PTDSS1: variants seen among roughly 807,000 people sequenced by gnomAD.
PTDSS1 encodes the protein PSS-1.
A neutral mutation model predicts 70.5 loss-of-function variants in PTDSS1; 45 were observed. That is an observed-to-expected ratio of 0.64 (90% CI 0.50 to 0.82). The LOEUF is 0.82. PTDSS1 is among the 40% of genes least tolerant of loss of function. PTDSS1 has a pLI of 0.00. For missense variants in PTDSS1, 417 were observed against 586.1 expected, an observed-to-expected ratio of 0.71 and a Z score of 2.98; for synonymous variants, 188 against 203.8, an observed-to-expected ratio of 0.92 and a Z score of 0.66.
intron 10 of PTDSS1, 82 bp from the exon 11 acceptor site, chr8:96,330,131 T>C (rs2130184225): frequency 3.1e-6 from 4 of 1,304,914 alleles, no homozygotes; most frequent in Non-Finnish European, 2.2e-6. Flanking sequence ...CATTGAACGG[T>C]CCTGCATTGA....
chr8:96,287,272 T>C (rs1032568178), intron 4 of PTDSS1, 126 bp downstream of exon 4: 1 of 1,321,022 alleles, frequency 7.6e-7, no homozygotes, highest in Non-Finnish European at 1.0e-6. Context: ...AAAAACCAGG[T>C]CTCTGGGAGG....
Position 96,304,137 on chromosome 8 carries a change from T to C in PTDSS1, c.850T>C (p.Phe284Leu). 1 of 1,614,068 alleles carries C rather than the reference T, an allele frequency of 6.2e-7. No individual in the cohort carries two copies. The highest frequency in any genetic ancestry group is 8.5e-7 in the Non-Finnish European group (1 of 1,179,962). ...YVRWFDPKSSFQRVAGVYLFM... is the reference protein window; with the variant it reads ...YVRWFDPKSSLQRVAGVYLFM... ...TCGATGGTTTGACCCCAAATCTTCT[T>C]TTCAGAGAGTAGCTGGAGTGTACCT... The change falls in exon 7 of 13, where the codon TTT becomes CTT. Residue 284 changes from phenylalanine (F) to leucine (L), a missense_variant. Coordinates refer to ENST00000517309, the MANE Select transcript of PTDSS1 (RefSeq NM_014754.3).
At chr8:96,310,289 C>T (rs182087213) in intron 9 of PTDSS1, among the ~76,000 whole-genome samples, 1,976 of 151,260 alleles carry the variant, frequency 0.013, 23 homozygotes, top group Non-Finnish European at 0.022. Context: ...CTCAGCCTCC[C>T]AAGTAGCTGG....
At chr8:96,283,597 AGT>A (rs1491367770) in intron 2 of PTDSS1, 1 of 144,970 alleles carries the variant, frequency 6.9e-6, no homozygotes, top group Non-Finnish European at 1.5e-5. Context: ...GTTATTTTTC[AGT>A]CTCTCTCTCT....
At chr8:96,282,066 A>G (rs945214331) in intron 2 of PTDSS1, among the ~76,000 whole-genome samples, 2 of 152,214 alleles carry the variant, frequency 1.3e-5, no homozygotes, top group Non-Finnish European at 2.9e-5. Context: ...AATAGGTCAT[A>G]CAGTTTTAGA....
intron 9 of PTDSS1, among the ~76,000 whole-genome samples, chr8:96,318,309 G>A (rs1441568820): frequency 7.1e-6 from 1 of 141,814 alleles, no homozygotes; most frequent in East Asian, 1.9e-4. Context: ...GGGTGACAGA[G>A]CTAGACTCTA....
chr8:96,263,613 A>G (rs1384720104), intron 1 of PTDSS1, among the ~76,000 whole-genome samples: 1 of 152,230 alleles, frequency 6.6e-6, no homozygotes, highest in African/African-American at 2.4e-5. Context: ...CAGTATTTTT[A>G]TCCAACAATC....
In PTDSS1 at chr8:96,309,571, A is replaced by G; in HGVS notation, c.1022A>G (p.Tyr341Cys). The change falls in exon 9 of 13, where the codon TAC becomes TGC. Residue 341 changes from tyrosine (Y) to cysteine (C), a missense_variant. Tyr to Cys is a radical substitution (Grantham distance 194). Coordinates refer to ENST00000517309, the MANE Select transcript of PTDSS1 (RefSeq NM_014754.3). ...TAPTVRQYYA[Y>C]LTDTQCKRVG... is the part of the protein sequence containing the mutation. The stretch of plus-strand genomic sequence containing the variant: ...TGTTCTTTCAGACAGTACTACGCTT[A>G]CCTCACCGACACACAGTGCAAGCGC... 1 of 1,614,010 alleles carries G rather than the reference A, an allele frequency of 6.2e-7. No homozygotes were observed.
intron 2 of PTDSS1, among the ~76,000 whole-genome samples, chr8:96,282,105 G>T (rs1306421771): frequency 6.6e-6 from 1 of 152,196 alleles, no homozygotes; most frequent in South Asian, 2.1e-4. Context: ...AAACTATACA[G>T]AAAACTGACG....
At chr8:96,304,341 T>C (rs1811094420) in intron 7 of PTDSS1, among the ~76,000 whole-genome samples, 160 bp downstream of exon 7, 1 of 152,258 alleles carries the variant, frequency 6.6e-6, no homozygotes. Flanking sequence ...AGCAAAGTGA[T>C]GTTGTTATGC....
chr8:96,306,973 T>G (rs886872071), intron 8 of PTDSS1, among the ~76,000 whole-genome samples: 1 of 152,210 alleles, frequency 6.6e-6, no homozygotes, highest in Non-Finnish European at 1.5e-5. Flanking sequence ...GACTTTTAGC[T>G]TTTTCAGACC....
intron 2 of PTDSS1, among the ~76,000 whole-genome samples, chr8:96,278,143 G>T (rs1810676105): frequency 6.6e-6 from 1 of 152,234 alleles, no homozygotes; most frequent in Non-Finnish European, 1.5e-5. Context: ...CTCTTCTCTT[G>T]TGTCTTTACT....
chr8:96,296,017 C>T (rs1470748811), intron 5 of PTDSS1, among the ~76,000 whole-genome samples: 1 of 151,632 alleles, frequency 6.6e-6, no homozygotes, highest in Non-Finnish European at 1.5e-5. Flanking sequence ...TTTTTTCAGG[C>T]TCCTTCTCTA....
chr8:96,293,137 C>T, intron 4 of PTDSS1, among the ~76,000 whole-genome samples: 1 of 152,232 alleles, frequency 6.6e-6, no homozygotes, highest in East Asian at 1.9e-4. Flanking sequence ...TTTTCAAGAT[C>T]TCTCTGTAGT....
At chr8:96,295,322 G>A in intron 5 of PTDSS1, 66 bp downstream of exon 5, 1 of 1,461,174 alleles carries the variant, frequency 6.8e-7, no homozygotes, top group Non-Finnish European at 9.1e-7. Flanking sequence ...ATAGGAAAAA[G>A]TATGTCAGTT....
chr8:96,321,921 G>A (rs919158169), intron 10 of PTDSS1, among the ~76,000 whole-genome samples: 10 of 152,172 alleles, frequency 6.6e-5, no homozygotes, highest in Admixed American at 2.6e-4. Context: ...GTAAGGAATC[G>A]GTTAGGGAAA....
chr8:96,295,080 CTTTTT>C lies in PTDSS1; in HGVS notation c.442-16_442-12del. 1 of 1,586,542 alleles carries C rather than the reference CTTTTT, an allele frequency of 6.3e-7. No individual in the cohort carries two copies. Among genetic ancestry groups the C allele is most frequent in the Non-Finnish European group, 8.6e-7 (1 of 1,166,732 alleles). On this transcript the variant is annotated splice_polypyrimidine_tract_variant and intron_variant, in intron 4 of 12. Transcript: ENST00000517309. ...TTTCTAGAGTTTCACTAATTATTCT[CTTTTT>C]TATTTTAAATAGGAGTATGCTGTGA...
chr8:96,327,276 G>A (rs548357275), intron 10 of PTDSS1, among the ~76,000 whole-genome samples: 1 of 152,254 alleles, frequency 6.6e-6, no homozygotes, highest in African/African-American at 2.4e-5. Flanking sequence ...GCTGACTGAG[G>A]CTGGGATACC....
chr8:96,263,283 A>C (rs1810438307), intron 1 of PTDSS1, among the ~76,000 whole-genome samples: 1 of 152,200 alleles, frequency 6.6e-6, no homozygotes, highest in Admixed American at 6.5e-5. Context: ...GGAGGTACAC[A>C]CCGTGGTTCC....
Sources: allele counts gnomAD v4.1 joint callset (sites outside exome capture counted in the v4.1 genomes callset), GRCh38; gene constraint gnomAD v4.1.1; transcripts MANE v1.5; gene names NCBI Gene and HGNC (gene_info 2026-07-23, HGNC 2026-07-21).